The following LRP1B variants were observed in gnomAD, a reference collection of about 807,000 sequenced individuals.
LRP1B encodes LDL receptor related protein 1B.
LRP1B carries 217 observed loss-of-function variants against 556.6 expected under a neutral mutation model. That is an observed-to-expected ratio of 0.39 (90% CI 0.35 to 0.44). The LOEUF is 0.44. LRP1B is among the 20% of genes least tolerant of loss of function. The probability of loss-of-function intolerance (pLI) is 1.00; values close to 1 mark genes in which losing one functional copy is unlikely to be tolerated. For synonymous variants in LRP1B, 2,047 were observed against 1,865.8 expected (o/e 1.10, Z -2.50); for missense variants, 5,053 against 5,620.8 (o/e 0.90, Z 3.23).
intron 1 of LRP1B, among the ~76,000 whole-genome samples, chr2:141,981,896 C>G (rs1702052237): frequency 6.6e-6 from 1 of 152,090 alleles, no homozygotes. Context: ...TGCTGGGTAT[C>G]TCCACCTTCA....
intron 2 of LRP1B, among the ~76,000 whole-genome samples, chr2:141,632,875 A>C (rs1688964253): frequency 6.6e-6 from 1 of 151,330 alleles, no homozygotes; most frequent in African/African-American, 2.4e-5. Context: ...GAACCAAAAA[A>C]AAAAAAAAAA....
At chr2:141,090,645 G>A (rs1427922890) in intron 7 of LRP1B, among the ~76,000 whole-genome samples, 4 of 152,244 alleles carry the variant, frequency 2.6e-5, no homozygotes, top group Middle Eastern at 3.4e-3. Flanking sequence ...TTTATGTCAG[G>A]TTAGAACTCA....
chr2:141,111,619 T>C (rs985129473), intron 7 of LRP1B, among the ~76,000 whole-genome samples: 16 of 152,132 alleles, frequency 1.1e-4, no homozygotes, highest in African/African-American at 3.6e-4. Context: ...CCACCAGTAA[T>C]TCACACCTTA....
intron 3 of LRP1B, among the ~76,000 whole-genome samples, chr2:141,280,384 C>T (rs529744084): frequency 6.6e-6 from 1 of 152,100 alleles, no homozygotes; most frequent in South Asian, 2.1e-4. Flanking sequence ...TAACATTTAT[C>T]TCTGCAAATA....
intron 35 of LRP1B, among the ~76,000 whole-genome samples, chr2:140,759,970 T>C (rs1688859970): frequency 6.6e-6 from 1 of 152,230 alleles, no homozygotes; most frequent in Admixed American, 6.5e-5. Flanking sequence ...AAGTAAGATT[T>C]GGCTTAAGTT....
At chr2:140,603,562 T>G (rs1175253983) in intron 41 of LRP1B, among the ~76,000 whole-genome samples, 1 of 152,112 alleles carries the variant, frequency 6.6e-6, no homozygotes, top group Non-Finnish European at 1.5e-5. Flanking sequence ...CCAGTAACCA[T>G]GACATATCTT....
chr2:141,520,553 T>A (rs918312777), intron 2 of LRP1B, among the ~76,000 whole-genome samples: 1 of 152,104 alleles, frequency 6.6e-6, no homozygotes, highest in Non-Finnish European at 1.5e-5. Context: ...TGGGTTTGGT[T>A]CCAGAAAGGA....
At chr2:141,070,528 G>C (rs1290398718) in intron 7 of LRP1B, among the ~76,000 whole-genome samples, 1 of 152,040 alleles carries the variant, frequency 6.6e-6, no homozygotes, top group Non-Finnish European at 1.5e-5. Context: ...AGGAAATAGA[G>C]ACACAAACAA....
intron 25 of LRP1B, among the ~76,000 whole-genome samples, chr2:140,875,628 T>C (rs913381070): frequency 2.0e-5 from 3 of 152,188 alleles, no homozygotes; most frequent in African/African-American, 7.2e-5. Context: ...TTTGACACTT[T>C]TAAAAATCAA....
At chr2:141,195,118 T>C (rs1681697637) in intron 6 of LRP1B, among the ~76,000 whole-genome samples, 1 of 152,020 alleles carries the variant, frequency 6.6e-6, no homozygotes, top group South Asian at 2.1e-4. Context: ...GATGATGGAG[T>C]ATGATTTCTG....
rs559847959 is a variant in LRP1B at position 141,635,125 on chromosome 2, G to T, written c.206-154592C>A. Among the ~76,000 whole-genome samples the T allele has an allele frequency of 1.9e-3, 284 of 148,610 alleles. 1 individual carries two copies. Among genetic ancestry groups the T allele is most frequent in the African/African-American group, 6.5e-3 (261 of 39,900 alleles). On this transcript the variant is annotated intron_variant, in intron 2 of 90. Coordinates refer to ENST00000389484, the MANE Select transcript of LRP1B (RefSeq NM_018557.3). ...TTCATTCCCAAAGCACCTCAACCCT[G>T]CAAAAAAGAAAAGAAAAGAAAGAAA...
chr2:141,666,618 C>G (rs985492404), intron 2 of LRP1B, among the ~76,000 whole-genome samples: 1 of 152,204 alleles, frequency 6.6e-6, no homozygotes, highest in Non-Finnish European at 1.5e-5. Context: ...TGAGAAAAAT[C>G]TATCCCTGGT....
intron 6 of LRP1B, among the ~76,000 whole-genome samples, chr2:141,224,065 G>C (rs1251126960): frequency 5.9e-5 from 9 of 152,052 alleles, no homozygotes; most frequent in Non-Finnish European, 1.2e-4. Flanking sequence ...CTTCTGCACA[G>C]TAAAAGAAAC....
At chr2:141,212,962 A>G (rs1682631172) in intron 6 of LRP1B, among the ~76,000 whole-genome samples, 1 of 152,014 alleles carries the variant, frequency 6.6e-6, no homozygotes, top group Non-Finnish European at 1.5e-5. Context: ...ACAGACCCAA[A>G]ACACTTCTAT....
intron 43 of LRP1B, among the ~76,000 whole-genome samples, chr2:140,582,642 G>A (rs1208500533): frequency 1.3e-5 from 2 of 152,058 alleles, no homozygotes; most frequent in African/African-American, 2.4e-5. Flanking sequence ...TCTGTCATGC[G>A]AGGATGCAAC....
At chr2:142,090,668 T>C (rs547854899) in intron 1 of LRP1B, among the ~76,000 whole-genome samples, 1 of 152,246 alleles carries the variant, frequency 6.6e-6, no homozygotes, top group African/African-American at 2.4e-5. Context: ...AACAAGAATA[T>C]GCAAGTTGAC....
At chr2:140,942,204 G>A (rs1354005216) in intron 20 of LRP1B, among the ~76,000 whole-genome samples, 3 of 151,956 alleles carry the variant, frequency 2.0e-5, no homozygotes, top group Non-Finnish European at 4.4e-5. Flanking sequence ...GAAGCTCAAT[G>A]GCCAATTTTT....
intron 7 of LRP1B, among the ~76,000 whole-genome samples, chr2:141,087,157 G>A (rs1700066872): frequency 6.6e-6 from 1 of 151,894 alleles, no homozygotes; most frequent in Admixed American, 6.6e-5. Flanking sequence ...AAATAAAGTA[G>A]ACTGAAGTCT....
At chr2:141,043,034 A>C (rs1338014914) in intron 11 of LRP1B, among the ~76,000 whole-genome samples, 1 of 104,416 alleles carries the variant, frequency 9.6e-6, no homozygotes, top group Non-Finnish European at 2.0e-5. Context: ...ACTACAAAAA[A>C]TACAAAAAAA....
Sources: allele counts gnomAD v4.1 joint callset (sites outside exome capture counted in the v4.1 genomes callset), GRCh38; gene constraint gnomAD v4.1.1; transcripts MANE v1.5; gene names NCBI Gene and HGNC (gene_info 2026-07-23, HGNC 2026-07-21).